The following ADAM18 variants were observed in gnomAD, a reference collection of about 807,000 sequenced individuals.
ADAM18 encodes ADAM metallopeptidase domain 18.
ADAM18 carries 117 observed loss-of-function variants against 94.4 expected under a neutral mutation model. The ratio of observed to expected loss-of-function variants is 1.24; its 90% CI spans 1.07 to 1.45. The LOEUF (loss-of-function observed/expected upper bound fraction) is 1.45. Ranked by LOEUF, ADAM18 falls within the 40% of genes most tolerant of loss-of-function variation. The pLI is 0.00. For synonymous variants in ADAM18, 327 were observed against 291.6 expected (o/e 1.12, Z -1.24); for missense variants, 936 against 880.0 (o/e 1.06, Z -0.81).
chr8:39,655,854 T>C (rs1254446421), intron 12 of ADAM18, among the ~76,000 whole-genome samples: 1 of 150,924 alleles, frequency 6.6e-6, no homozygotes, highest in Admixed American at 6.6e-5. Context: ...AAGAAAAAAA[T>C]TTAAAACAAC....
intron 6 of ADAM18, among the ~76,000 whole-genome samples, chr8:39,621,309 TCACACACACACACACACACACACACACA>T (rs55818122): frequency 7.8e-6 from 1 of 128,856 alleles, no homozygotes; most frequent in African/African-American, 2.9e-5. Context: ...CATGACAAAA[TCACACACACACACACACACACACACACA>T]CACACACACA....
Position 39,637,268 on chromosome 8 carries a change from A to T in ADAM18, c.593A>T (p.Asp198Val). The change falls in exon 8 of 20, where the codon GAT (aspartate) becomes GTT (valine). Residue 198 changes from aspartate (D) to valine (V), a missense_variant. Transcript: ENST00000265707. ...AAAATAAAATTTCTTTTTCAGTATG[A>T]TTATATGGGATCTGAAATGATGGCT... ...IYIIVEKALY[D>V]YMGSEMMAVT... 6.2e-7 allele frequency: 1 copy of T among 1,601,290 alleles called. No individual in the cohort carries two copies. The highest frequency in any genetic ancestry group is 1.7e-4 in the Middle Eastern group (1 of 6,010).
intron 16 of ADAM18, among the ~76,000 whole-genome samples, chr8:39,681,492 C>G (rs1293679593): frequency 6.6e-6 from 1 of 152,144 alleles, no homozygotes; most frequent in Non-Finnish European, 1.5e-5. Context: ...ATAATAAATA[C>G]GTGTTGTTTA....
At chr8:39,673,777 T>G (rs1277207137) in intron 14 of ADAM18, among the ~76,000 whole-genome samples, 1 of 152,270 alleles carries the variant, frequency 6.6e-6, no homozygotes, top group South Asian at 2.1e-4. Context: ...TAAATTTCCC[T>G]CTACACACTG....
At chr8:39,650,011 T>C (rs953393297) in intron 12 of ADAM18, among the ~76,000 whole-genome samples, 2 of 152,216 alleles carry the variant, frequency 1.3e-5, no homozygotes, top group South Asian at 2.1e-4. Flanking sequence ...TTGCAACAGA[T>C]ACTATATGAC....
chr8:39,719,046 GA>G (rs35202109), intron 18 of ADAM18, among the ~76,000 whole-genome samples: 9,781 of 149,094 alleles, frequency 0.066, 441 homozygotes, highest in Non-Finnish European at 0.1. Context: ...AAATGACTTT[GA>G]AAAAAAAATG....
intron 17 of ADAM18, among the ~76,000 whole-genome samples, chr8:39,700,674 G>A (rs1423162813): frequency 6.6e-6 from 1 of 151,886 alleles, no homozygotes; most frequent in East Asian, 1.9e-4. Context: ...GTGATTTGGG[G>A]CACTTTTTAT....
chr8:39,658,215 TG>T (rs1245247351), intron 12 of ADAM18, among the ~76,000 whole-genome samples: 2 of 152,190 alleles, frequency 1.3e-5, no homozygotes, highest in Non-Finnish European at 2.9e-5. Flanking sequence ...AATATAATTG[TG>T]GTAGGCAGAA....
At chr8:39,721,033 C>G (rs577691582) in intron 18 of ADAM18, among the ~76,000 whole-genome samples, 1 of 151,378 alleles carries the variant, frequency 6.6e-6, no homozygotes, top group African/African-American at 2.4e-5. Flanking sequence ...TAGTATGCAT[C>G]AATTAGAATA....
chr8:39,637,866 A>G (rs1820129314), intron 9 of ADAM18, among the ~76,000 whole-genome samples, 163 bp downstream of exon 9: 2 of 152,054 alleles, frequency 1.3e-5, no homozygotes, highest in Non-Finnish European at 1.5e-5. Flanking sequence ...AAAATATAAT[A>G]AAAGTAACAA....
At chr8:39,632,991 C>T (rs766146243) in intron 7 of ADAM18, among the ~76,000 whole-genome samples, 1 of 152,098 alleles carries the variant, frequency 6.6e-6, no homozygotes, top group Non-Finnish European at 1.5e-5. Flanking sequence ...CATGAAAGCT[C>T]CTTCCCTCAT....
chr8:39,704,492 G>A (rs541867378), intron 17 of ADAM18, among the ~76,000 whole-genome samples: 15 of 152,186 alleles, frequency 9.9e-5, no homozygotes, highest in African/African-American at 3.6e-4. Context: ...AAAGGCTTTT[G>A]ATAAAATTCA....
At chr8:39,680,932 A>G (rs1217369781) in intron 16 of ADAM18, among the ~76,000 whole-genome samples, 2 of 152,210 alleles carry the variant, frequency 1.3e-5, no homozygotes, top group African/African-American at 2.4e-5. Context: ...GTCAATTGTT[A>G]TATCTGGTGT....
intron 18 of ADAM18, among the ~76,000 whole-genome samples, 185 bp from the exon 19 acceptor site, chr8:39,723,563 G>A (rs1348379471): frequency 1.3e-5 from 2 of 151,574 alleles, no homozygotes; most frequent in Admixed American, 6.6e-5. Context: ...ATAAATATGT[G>A]TAAATAAACA....
At chr8:39,592,843 T>G (rs1818616542) in intron 2 of ADAM18, among the ~76,000 whole-genome samples, 1 of 152,164 alleles carries the variant, frequency 6.6e-6, no homozygotes, top group Non-Finnish European at 1.5e-5. Flanking sequence ...ATTTAAAAAG[T>G]GCTATGCATG....
intron 6 of ADAM18, among the ~76,000 whole-genome samples, chr8:39,622,597 A>G (rs1482903167): frequency 6.6e-6 from 1 of 151,960 alleles, no homozygotes; most frequent in Non-Finnish European, 1.5e-5. Flanking sequence ...ATATTTGTTT[A>G]GAAAAACATC....
intron 18 of ADAM18, among the ~76,000 whole-genome samples, chr8:39,719,371 A>G (rs1003814572): frequency 6.6e-6 from 1 of 151,372 alleles, no homozygotes; most frequent in African/African-American, 2.4e-5. Flanking sequence ...TAAAACTTCT[A>G]GAAGAAAACA....
rs760898734 is a variant in ADAM18, at chr8:39,606,334, C to T, written c.160C>T (p.Gln54Ter). 4 of 1,560,704 alleles carry T rather than the reference C, an allele frequency of 2.6e-6. No homozygotes were observed. The highest frequency in any genetic ancestry group is 1.2e-5 in the South Asian group (1 of 83,878). ...KMIYIITIDG[Q>*]PYTLHLGKQS... ...GATTTACATCATTACAATTGATGGA[C>T]AACCTTACACTCTACATCTCGGAAA... The change falls in exon 3 of 20, where the codon CAA becomes TAA. Residue 54 changes from glutamine to a stop codon, truncating the protein, a stop_gained. Coordinates refer to ENST00000265707, the MANE Select transcript of ADAM18 (RefSeq NM_014237.3). LOFTEE classifies it high-confidence loss of function.
At chr8:39,610,413 T>TA in intron 5 of ADAM18, 116 bp from the exon 6 acceptor site, 2 of 1,253,604 alleles carry the variant, frequency 1.6e-6, no homozygotes. Flanking sequence ...AAAATGGGCT[T>TA]AAAATGTGTT....
Sources: allele counts gnomAD v4.1 joint callset (sites outside exome capture counted in the v4.1 genomes callset), GRCh38; gene constraint gnomAD v4.1.1; transcripts MANE v1.5; gene names NCBI Gene and HGNC (gene_info 2026-07-23, HGNC 2026-07-21).